The following RAB11FIP4 variants were observed in gnomAD, a reference collection of about 807,000 sequenced individuals.
RAB11FIP4 encodes the protein rab11 family-interacting protein 4.
Under a neutral mutation model 74.3 loss-of-function variants are expected in RAB11FIP4, and 23 were observed. The observed-to-expected ratio is 0.31, with a 90% CI of 0.22 to 0.44. The LOEUF (loss-of-function observed/expected upper bound fraction) is 0.44, where lower values mean the gene tolerates loss of function less well. Ranked by LOEUF, RAB11FIP4 falls within the 20% of genes least tolerant of loss-of-function variation. RAB11FIP4 has a pLI of 1.00. For synonymous variants in RAB11FIP4, 360 were observed against 359.9 expected, an observed-to-expected ratio of 1.00 and a Z score of 0.00; for missense variants, 630 against 863.9, an observed-to-expected ratio of 0.73 and a Z score of 3.39.
intron 3 of RAB11FIP4, among the ~76,000 whole-genome samples, chr17:31,435,196 T>C (rs733277): frequency 0.58 from 88,654 of 151,902 alleles, 26,542 homozygotes; most frequent in African/African-American, 0.7. Context: ...CTCCAAAAAT[T>C]AAACAGTTTT....
intron 3 of RAB11FIP4, among the ~76,000 whole-genome samples, chr17:31,503,374 A>G (rs1367816188): frequency 6.7e-6 from 1 of 149,684 alleles, no homozygotes; most frequent in Non-Finnish European, 1.5e-5. Context: ...AAATACAGTC[A>G]CATTCTGAAG....
intron 1 of RAB11FIP4, among the ~76,000 whole-genome samples, chr17:31,405,302 CAT>C (rs1225503830): frequency 1.3e-5 from 2 of 152,162 alleles, no homozygotes; most frequent in African/African-American, 4.8e-5. Flanking sequence ...AGGTGGCACT[CAT>C]AGGCCTGCCA....
At chr17:31,429,926 T>C (rs2071291030) in intron 1 of RAB11FIP4, among the ~76,000 whole-genome samples, 1 of 152,220 alleles carries the variant, frequency 6.6e-6, no homozygotes, top group Admixed American at 6.5e-5. Context: ...TGCAATTCTT[T>C]GTTTCCCAAA....
At position 31,505,499 on chromosome 17, in the gene RAB11FIP4, TTA is replaced by T. The variant is rs1176786218; in HGVS notation, c.337-12148_337-12147del. ...AATTATAATATATAATATATAATTA[TTA>T]TATTATATATAATAATTATATATTA... On this transcript the variant is annotated intron_variant, in intron 3 of 14. Transcript: ENST00000621161. 6.1e-5 allele frequency among the ~76,000 whole-genome samples: 5 copies of T among 82,346 alleles called. 1 individual carries two copies. The highest frequency in any genetic ancestry group is 2.0e-4 in the Admixed American group (1 of 4,952). The allele number at this position is 82,346 out of a possible 152,430, so 54.0% of individuals were successfully genotyped here. A position where few individuals can be genotyped will look rare whatever the true frequency, so the allele number is the denominator to read the frequency against.
chr17:31,474,538 G>T (rs1321907282), intron 3 of RAB11FIP4, among the ~76,000 whole-genome samples: 1 of 152,028 alleles, frequency 6.6e-6, no homozygotes, highest in Non-Finnish European at 1.5e-5. Context: ...AGGTGTGGTG[G>T]TGCATGCCTG....
At chr17:31,445,564 ATATATATATATATATTTTT>A (rs1179598552) in intron 3 of RAB11FIP4, among the ~76,000 whole-genome samples, 169 of 13,120 alleles carry the variant, frequency 0.013, 4 homozygotes, top group Non-Finnish European at 0.019. Flanking sequence ...ATATATATAT[ATATATATATATATATTTTT>A]TTTTTTTTTT....
Position 31,524,144 on chromosome 17 carries a change from G to A in RAB11FIP4, c.1133+148G>A, listed in dbSNP as rs1442076502. The A allele has an allele frequency of 1.6e-5, 10 of 639,294 alleles. No homozygotes were observed. The East Asian group carries it at 2.8e-4, about 18-fold the overall frequency. The allele number at this position is 639,294 out of a possible 1,614,324, so 39.6% of individuals were successfully genotyped here. Reference sequence around the variant, plus strand: ...CATCAGCCTCTTGTCACATGGCCCTGCCCACATGTGGTGCCCAGGACAGGA... The same window carrying A: ...CATCAGCCTCTTGTCACATGGCCCTACCCACATGTGGTGCCCAGGACAGGA... On this transcript the variant is annotated intron_variant, in intron 9 of 14. Transcript: ENST00000621161.
At chr17:31,497,148 G>C (rs1294732909) in intron 3 of RAB11FIP4, among the ~76,000 whole-genome samples, 2 of 152,152 alleles carry the variant, frequency 1.3e-5, no homozygotes, top group Non-Finnish European at 2.9e-5. Context: ...CGGATCACCT[G>C]AGGTCAAGAG....
At chr17:31,523,436 G>A (rs1172879056) in intron 7 of RAB11FIP4, 76 bp from the exon 8 acceptor site, 27 of 1,189,702 alleles carry the variant, frequency 2.3e-5, no homozygotes, top group South Asian at 8.5e-5. Context: ...CTGGATGCTC[G>A]CCTAGCCAGT....
At chr17:31,502,507 A>G (rs974056938) in intron 3 of RAB11FIP4, among the ~76,000 whole-genome samples, 7 of 152,206 alleles carry the variant, frequency 4.6e-5, no homozygotes, top group African/African-American at 1.4e-4. Flanking sequence ...TGAACCCAAG[A>G]GACAGAGGTT....
intron 3 of RAB11FIP4, among the ~76,000 whole-genome samples, chr17:31,507,296 G>A (rs555331366): frequency 1.2e-4 from 18 of 152,138 alleles, no homozygotes; most frequent in African/African-American, 4.3e-4. Context: ...GAAAAAAAAG[G>A]TTACAGTCCC....
chr17:31,460,310 G>T (rs1348151034), intron 3 of RAB11FIP4, among the ~76,000 whole-genome samples: 1 of 152,240 alleles, frequency 6.6e-6, no homozygotes, highest in Non-Finnish European at 1.5e-5. Context: ...CTGGGAGCAG[G>T]TGGTGTAGAC....
chr17:31,416,279 A>G (rs1217649953), intron 1 of RAB11FIP4, among the ~76,000 whole-genome samples: 5 of 152,090 alleles, frequency 3.3e-5, no homozygotes, highest in Admixed American at 2.6e-4. Flanking sequence ...CCAGTGGCCT[A>G]CCCAGGGTAA....
chr17:31,397,444 G>C (rs1272868443), intron 1 of RAB11FIP4, among the ~76,000 whole-genome samples: 7 of 152,226 alleles, frequency 4.6e-5, no homozygotes, highest in Admixed American at 4.6e-4. Flanking sequence ...AAAGGTGATA[G>C]TTAAAGGTGC....
chr17:31,478,176 A>G (rs925960662), intron 3 of RAB11FIP4, among the ~76,000 whole-genome samples: 3 of 152,008 alleles, frequency 2.0e-5, no homozygotes, highest in African/African-American at 7.3e-5. Context: ...TATTTTTAGT[A>G]GAGACGGGGT....
In RAB11FIP4 at chr17:31,521,022, C is replaced by T. The variant is rs1054951911; in HGVS notation, c.564-144C>T. 3.5e-5 allele frequency: 20 copies of T among 579,586 alleles called. No individual in the cohort carries two copies. The East Asian group carries it at 5.5e-4, about 16-fold the overall frequency. The allele number at this position is 579,586 out of a possible 1,614,324, so 35.9% of individuals were successfully genotyped here. On this transcript the variant is annotated intron_variant, in intron 4 of 14. Coordinates refer to ENST00000621161, the MANE Select transcript of RAB11FIP4 (RefSeq NM_032932.6). Reference sequence around the variant, plus strand: ...TGAGATGTTTCCCTTTAGATAGGGTCCCTGAAATGTACTTACCAGGTCAAG... The same window carrying T: ...TGAGATGTTTCCCTTTAGATAGGGTTCCTGAAATGTACTTACCAGGTCAAG...
intron 1 of RAB11FIP4, among the ~76,000 whole-genome samples, chr17:31,420,591 GA>G (rs1227811367): frequency 2.6e-5 from 4 of 151,304 alleles, no homozygotes; most frequent in African/African-American, 9.7e-5. Flanking sequence ...ATTCTGGTTA[GA>G]GATGCATCAG....
chr17:31,497,268 G>T (rs1448456522), intron 3 of RAB11FIP4, among the ~76,000 whole-genome samples: 1 of 152,182 alleles, frequency 6.6e-6, no homozygotes, highest in African/African-American at 2.4e-5. Flanking sequence ...GGAGGCTGAG[G>T]CAGGAGAATC....
chr17:31,440,424 T>G (rs1242700345), intron 3 of RAB11FIP4, among the ~76,000 whole-genome samples: 1 of 152,214 alleles, frequency 6.6e-6, no homozygotes, highest in Non-Finnish European at 1.5e-5. Flanking sequence ...GTTACTCTTG[T>G]TTATAGTTTG....
Sources: allele counts gnomAD v4.1 joint callset (sites outside exome capture counted in the v4.1 genomes callset), GRCh38; gene constraint gnomAD v4.1.1; transcripts MANE v1.5; gene names NCBI Gene and HGNC (gene_info 2026-07-23, HGNC 2026-07-21).